Variants in FUT5 observed in about 807,000 individuals in gnomAD.
FUT5 encodes the protein 4-galactosyl-N-acetylglucosaminide 3-alpha-L-fucosyltransferase FUT5.
In FUT5, 1 loss-of-function variant was observed where a neutral mutation model predicts 0.8. The observed-to-expected ratio is 1.26, with a 90% confidence interval of 0.45 to 5.99. The LOEUF (loss-of-function observed/expected upper bound fraction) is 5.99. Ranked by LOEUF, FUT5 falls within the 30% of genes most tolerant of loss-of-function variation. The pLI is 0.15. For synonymous variants in FUT5, 212 were observed against 225.7 expected (o/e 0.94, Z 0.54); for missense variants, 437 against 517.8 (o/e 0.84, Z 1.51).
chr19:5,869,441 G>A (rs1310060452), intron 1 of FUT5, among the ~76,000 whole-genome samples: 1 of 151,382 alleles, frequency 6.6e-6, no homozygotes, highest in African/African-American at 2.4e-5. Context: ...AGTAGAGACA[G>A]GGTTTCACTA....
chr19:5,866,410 A>C lies in FUT5; in HGVS notation c.*191T>G. The C allele has an allele frequency of 2.2e-6, 2 of 907,376 alleles. No homozygotes were observed. Among genetic ancestry groups the C allele is most frequent in the Non-Finnish European group, 3.4e-6 (2 of 591,280 alleles). 56.2% of individuals were successfully genotyped at this position (907,376 alleles called of 1,614,324 possible). ...CTGGCAGTGAAGCCCGGCAAGTGAA[A>C]TCCCAGGTAAGTCACATGCCTGGCC... On this transcript the variant is annotated 3_prime_UTR_variant, in exon 2 of 2. Coordinates refer to ENST00000588525, the MANE Select transcript of FUT5 (RefSeq NM_002034.2). The surrounding 1 kb of genome is among the most constrained non-coding windows in gnomAD (Gnocchi z 4.9).
chr19:5,867,043 G>C lies in FUT5; in HGVS notation c.683C>G (p.Ala228Gly), dbSNP rs145832499. 7 of 1,613,602 alleles carry C rather than the reference G, an allele frequency of 4.3e-6. No individual in the cohort carries two copies. The highest frequency in any genetic ancestry group is 5.9e-6 in the Non-Finnish European group (7 of 1,179,848). The change falls in exon 2 of 2, where the codon GCT becomes GGT. Residue 228 changes from alanine (A) to glycine (G), a missense_variant. By Grantham distance (60) the Ala-to-Gly change is moderately conservative. Around this residue, in one of 2 missense-constraint regions of FUT5, gnomAD observed 176 missense variants for 275.2 expected, o/e 0.64. Transcript: ENST00000588525. The surrounding 1 kb of genome is among the most constrained non-coding windows in gnomAD (Gnocchi z 5.0). ...ARVRYYQSLQ[A>G]HLKVDVYGRS... is the part of the protein sequence containing the mutation. ...TCCGTACACGTCCACCTTGAGATGA[G>C]CCTGCAGGCTCTGGTAGTAGCGCAC...
Position 5,867,817 on chromosome 19 carries a change from T to C in FUT5, c.-12-80A>G. 2.1e-6 allele frequency: 3 copies of C among 1,453,596 alleles called. No homozygotes were observed. The highest frequency in any genetic ancestry group is 1.2e-5 in the South Asian group (1 of 86,632). The allele number at this position is 1,453,596 out of a possible 1,614,324, so 90.0% of individuals were successfully genotyped here. ...GGCCACGTGTCCTGAGAGAAGCTGT[T>C]ATAATTTATGACACAGCTTGTCATA... On this transcript the variant is annotated intron_variant, in intron 1 of 1. Transcript: ENST00000588525. This position sits in a 1 kb window ranked among gnomAD's most constrained non-coding sequence, Gnocchi z 5.0.
rs767999133 is a variant in FUT5, at chr19:5,867,324, G to C, written c.402C>G (p.Leu134=). The C allele has an allele frequency of 1.2e-6, 2 of 1,613,800 alleles. No individual in the cohort carries two copies. The highest frequency in any genetic ancestry group is 1.7e-6 in the Non-Finnish European group (2 of 1,180,038). The change falls in exon 2 of 2, where the codon CTC becomes CTG. Residue 134 remains leucine (L), a synonymous_variant. Transcript: ENST00000588525. The surrounding 1 kb of genome is among the most constrained non-coding windows in gnomAD (Gnocchi z 5.0). ...WDIMYNPSAN[L]PPPTRPQGQR... is the part of the protein sequence containing the mutation. ...GCCCCTGCGGCCTGGTGGGGGGCGG[G>C]AGGTTGGCACTGGGGTTGTACATGA...
Position 5,866,514 on chromosome 19 carries a change from T to TGAGGCCCCAGGC in FUT5, c.*86_*87insGCCTGGGGCCTC. On this transcript the variant is annotated 3_prime_UTR_variant, in exon 2 of 2. Transcript: ENST00000588525. The surrounding 1 kb of genome is among the most constrained non-coding windows in gnomAD (Gnocchi z 4.9). ...GGCCCCAGGCAGCCGAGGCCCCAGG[T>TGAGGCCCCAGGC]AGGTAAATCCCCCGACTAGTGAGAC... 4.4e-6 allele frequency: 7 copies of TGAGGCCCCAGGC among 1,602,354 alleles called. No individual in the cohort carries two copies. The highest frequency in any genetic ancestry group is 6.0e-6 in the Non-Finnish European group (7 of 1,173,390).
intron 1 of FUT5, among the ~76,000 whole-genome samples, chr19:5,870,066 C>CAAAAAAAAAAAAAAAAAAAAAA (rs72405451): frequency 1.4e-5 from 1 of 70,444 alleles, no homozygotes; most frequent in Admixed American, 2.0e-4. Flanking sequence ...AACTCCATCT[C>CAAAAAAAAAAAAAAAAAAAAAA]AAAAAAAAAA....
Position 5,867,902 on chromosome 19 carries a change from G to A in FUT5, c.-12-165C>T, listed in dbSNP as rs778972. Among the ~76,000 whole-genome samples the A allele has an allele frequency of 0.77, 117,383 of 152,060 alleles. 45,418 individuals carry two copies. The highest frequency in any genetic ancestry group is 0.88 in the East Asian group (4,518 of 5,160). On this transcript the variant is annotated intron_variant, in intron 1 of 1. Transcript: ENST00000588525. This position sits in a 1 kb window ranked among gnomAD's most constrained non-coding sequence, Gnocchi z 5.0. ...TTATAACTCTGACAGGGAAGGGTAC[G>A]ATGGGATTAGGTTTTGCAGGTAACA...
rs2057505771 is a variant in FUT5, at chr19:5,866,909, G to C, written c.817C>G (p.Leu273Val). ...CAGGCCTCCAGGGCGTTCCTCCACA[G>C]CTTCTCGGTGATGTAGTCGGGGTGC... is the stretch of plus-strand genomic sequence containing the variant. ...SLHPDYITEK[L>V]WRNALEAWAV... The change falls in exon 2 of 2, where the codon CTG becomes GTG. Residue 273 changes from leucine (L) to valine (V), a missense_variant. Transcript: ENST00000588525. This position sits in a 1 kb window ranked among gnomAD's most constrained non-coding sequence, Gnocchi z 4.9. 6.2e-7 allele frequency: 1 copy of C among 1,612,828 alleles called. No homozygotes were observed. The highest frequency in any genetic ancestry group is 1.7e-5 in the Admixed American group (1 of 59,920).
intron 1 of FUT5, among the ~76,000 whole-genome samples, chr19:5,869,942 G>A (rs1322666486): frequency 1.3e-5 from 2 of 151,840 alleles, no homozygotes; most frequent in Non-Finnish European, 1.5e-5. Flanking sequence ...GCTGGCACAT[G>A]CCTATAATCC....
chr19:5,866,591 T>A lies in FUT5; in HGVS notation c.*10A>T. On this transcript the variant is annotated 3_prime_UTR_variant, in exon 2 of 2. Transcript: ENST00000588525. The surrounding 1 kb of genome is among the most constrained non-coding windows in gnomAD (Gnocchi z 4.9). ...TGAGGTCCCGGCAGCCCAGGCCCCA[T>A]GCCGGCCTCTCAGGTGAACCAAGCC... The A allele has an allele frequency of 6.2e-7, 1 of 1,613,074 alleles. No individual in the cohort carries two copies. The highest frequency in any genetic ancestry group is 8.5e-7 in the Non-Finnish European group (1 of 1,180,016).
chr19:5,867,421 G>A lies in FUT5; in HGVS notation c.305C>T (p.Ala102Val). The A allele has an allele frequency of 6.2e-7, 1 of 1,613,284 alleles. No individual in the cohort carries two copies. Among genetic ancestry groups the A allele is most frequent in the Non-Finnish European group, 8.5e-7 (1 of 1,179,810 alleles). The change falls in exon 2 of 2, where the codon GCC (alanine) becomes GTC (valine). Residue 102 changes from alanine to valine, a missense_variant. Transcript: ENST00000588525. This position sits in a 1 kb window ranked among gnomAD's most constrained non-coding sequence, Gnocchi z 5.0. ...GGAGTCGGCAGTGATGTTGCAGTCG[G>A]CCGCGCCGGGCACCATCTCTGAGCA... ...PRCSEMVPGAADCNITADSSV... is the reference protein window; with the variant it reads ...PRCSEMVPGAVDCNITADSSV...
chr19:5,868,341 G>A (rs959546620), intron 1 of FUT5, among the ~76,000 whole-genome samples: 1 of 152,098 alleles, frequency 6.6e-6, no homozygotes, highest in African/African-American at 2.4e-5. Flanking sequence ...CGGAACTGGA[G>A]GGAGCCCAGG....
rs151065401 is a variant in FUT5 at position 5,867,236 on chromosome 19, C to T, written c.490G>A (p.Gly164Arg). ...SNCRHLEALD[G>R]YFNLTMSYRS... ...TAGGACATGGTGAGATTGAAGTATC[C>T]GTCCAGGGCTTCCAGGTGCCGGCAG... The change falls in exon 2 of 2, where the codon GGA becomes AGA. Residue 164 changes from glycine (G) to arginine (R), a missense_variant. This residue lies in a region of FUT5 where 261 missense variants were observed against 242.6 expected (regional missense o/e 1.08). Transcript: ENST00000588525. The surrounding 1 kb of genome is among the most constrained non-coding windows in gnomAD (Gnocchi z 5.0). The T allele has an allele frequency of 3.3e-4, 538 of 1,613,270 alleles. 1 individual carries two copies. The highest frequency in any genetic ancestry group is 2.5e-3 in the East Asian group (114 of 44,858).
At chr19:5,868,385 C>G (rs2057512930) in intron 1 of FUT5, among the ~76,000 whole-genome samples, 1 of 152,004 alleles carries the variant, frequency 6.6e-6, no homozygotes, top group African/African-American at 2.4e-5. Flanking sequence ...TCTGGGAAGC[C>G]TGAGAAGAAA....
rs375923885 is a variant in FUT5, at chr19:5,868,619, G to A, written c.-12-882C>T. ...GGAGGCCAAGGCGGGCAGATCACCT[G>A]AGGTCAGGAGTTCAAGACCAGCCTG... On this transcript the variant is annotated intron_variant, in intron 1 of 1. Coordinates refer to ENST00000588525, the MANE Select transcript of FUT5 (RefSeq NM_002034.2). Among the ~76,000 whole-genome samples, 8 of 152,326 alleles carry A rather than the reference G, an allele frequency of 5.3e-5. No homozygotes were observed. In the East Asian group the frequency reaches 1.2e-3, roughly 22 times the overall value.
chr19:5,869,273 CCA>C (rs2057515691), intron 1 of FUT5, among the ~76,000 whole-genome samples: 1 of 150,388 alleles, frequency 6.6e-6, no homozygotes, highest in African/African-American at 2.4e-5. Flanking sequence ...GCCACCATGC[CCA>C]GCCTTTTTTT....
chr19:5,867,428 C>T lies in FUT5; in HGVS notation c.298G>A (p.Gly100Ser), dbSNP rs758420902. 51 of 1,499,660 alleles carry T rather than the reference C, an allele frequency of 3.4e-5. No individual in the cohort carries two copies. Among genetic ancestry groups the T allele is most frequent in the South Asian group, 7.8e-5 (7 of 89,500 alleles). 92.9% of individuals were successfully genotyped at this position (1,499,660 alleles called of 1,614,324 possible). A position where few individuals can be genotyped will look rare whatever the true frequency, so the allele number is the denominator to read the frequency against. The change falls in exon 2 of 2, where the codon GGC becomes AGC. Residue 100 changes from glycine to serine, a missense_variant. Gly to Ser is a moderately conservative substitution (Grantham distance 56, BLOSUM62 0). Coordinates refer to ENST00000588525, the MANE Select transcript of FUT5 (RefSeq NM_002034.2). The surrounding 1 kb of genome is among the most constrained non-coding windows in gnomAD (Gnocchi z 5.0). ...ALPRCSEMVP[G>S]AADCNITADS... ...GCAGTGATGTTGCAGTCGGCCGCGC[C>T]GGGCACCATCTCTGAGCAGCGGGGC...
rs188038030 is a variant in FUT5 at position 5,869,004 on chromosome 19, C to T, written c.-12-1267G>A. Among the ~76,000 whole-genome samples, 465 of 144,368 alleles carry T rather than the reference C, an allele frequency of 3.2e-3. 4 individuals carry two copies. Among genetic ancestry groups the T allele is most frequent in the African/African-American group, 0.011 (417 of 38,800 alleles). The allele number at this position is 144,368 out of a possible 152,430, so 94.7% of individuals were successfully genotyped here. A position where few individuals can be genotyped will look rare whatever the true frequency, so the allele number is the denominator to read the frequency against. ...CCCAGCTAATTTTTTTTTTTTTAGA[C>T]GGAGTCTCCCTCTGTCGCCCAGGCT... On this transcript the variant is annotated intron_variant, in intron 1 of 1. Transcript: ENST00000588525.
rs891573142 is a variant in FUT5 at position 5,866,949 on chromosome 19, G to T, written c.777C>A (p.Ala259=). 7 of 1,613,456 alleles carry T rather than the reference G, an allele frequency of 4.3e-6. No individual in the cohort carries two copies. In the African/African-American group the frequency reaches 9.4e-5, roughly 22 times the overall value. Reference sequence around the variant, plus strand: ...AGTCGGGGTGCAAGGAGTTCTCGAAGGCCAGATAGAACTTGTACCGGGACA... The same window carrying T: ...AGTCGGGGTGCAAGGAGTTCTCGAATGCCAGATAGAACTTGTACCGGGACA... ...ETLSRYKFYL[A]FENSLHPDYI... is the part of the protein sequence containing the mutation. The change falls in exon 2 of 2, where the codon GCC becomes GCA. Residue 259 remains alanine, a synonymous_variant. Coordinates refer to ENST00000588525, the MANE Select transcript of FUT5 (RefSeq NM_002034.2). The surrounding 1 kb of genome is among the most constrained non-coding windows in gnomAD (Gnocchi z 4.9).
Sources: allele counts gnomAD v4.1 joint callset (sites outside exome capture counted in the v4.1 genomes callset), GRCh38; gene constraint gnomAD v4.1.1; regional missense constraint gnomAD v4.1.1; non-coding constraint Gnocchi (gnomAD v3.1); transcripts MANE v1.5; gene names NCBI Gene and HGNC (gene_info 2026-07-23, HGNC 2026-07-21).